HKDC1: variants seen among roughly 807,000 people sequenced by gnomAD.
HKDC1 encodes the protein hexokinase domain containing 1.
Under a neutral mutation model 96.6 loss-of-function variants are expected in HKDC1, and 66 were observed. The observed-to-expected ratio is 0.68, with a 90% CI of 0.56 to 0.84. The LOEUF is 0.84. Ranked by LOEUF, HKDC1 falls within the 40% of genes least tolerant of loss-of-function variation. HKDC1 has a pLI of 0.00. For missense variants in HKDC1, 1,211 were observed against 1,208.1 expected (o/e 1.00, Z -0.04); for synonymous variants, 466 against 473.1 (o/e 0.98, Z 0.20).
chr10:69,263,692 C>T (rs2056560815), intron 16 of HKDC1, among the ~76,000 whole-genome samples: 1 of 152,190 alleles, frequency 6.6e-6, no homozygotes, highest in African/African-American at 2.4e-5. Flanking sequence ...GTTGCTTAAC[C>T]CCCAGGATTG....
intron 5 of HKDC1, among the ~76,000 whole-genome samples, chr10:69,239,435 G>A (rs1295709168): frequency 6.6e-6 from 1 of 152,206 alleles, no homozygotes; most frequent in Non-Finnish European, 1.5e-5. Flanking sequence ...ATCTGATGCT[G>A]TGTGTAGGCC....
intron 10 of HKDC1, 126 bp downstream of exon 10, chr10:69,248,854 A>C: frequency 1.2e-6 from 1 of 834,926 alleles, no homozygotes; most frequent in Non-Finnish European, 1.8e-6. Flanking sequence ...CAAGAGTAAG[A>C]AGAAGGCTAG....
At chr10:69,238,011 G>C (rs1423789760) in intron 4 of HKDC1, among the ~76,000 whole-genome samples, 1 of 152,222 alleles carries the variant, frequency 6.6e-6, no homozygotes, top group Non-Finnish European at 1.5e-5. Context: ...TTCTCTTCCA[G>C]TCTGAAACAT....
At position 69,265,673 on chromosome 10, in the gene HKDC1, G is replaced by T. The variant is rs1564739066; in HGVS notation, c.2461G>T (p.Val821Leu). ...TGAGGACAGCATCGTGGTGAAGGAG[G>T]TGTGCGGAGCCGTGTCCCGGCGGGC... is the stretch of plus-strand genomic sequence containing the variant. ...TCEDSIVVKE[V>L]CGAVSRRAAQ... Residue 821 changes from valine to leucine, a missense_variant, in exon 17 of 18, where the codon GTG becomes TTG. By Grantham distance (32) the Val-to-Leu change is conservative. Coordinates refer to ENST00000354624, the MANE Select transcript of HKDC1 (RefSeq NM_025130.4). 1 of 1,614,084 alleles carries T rather than the reference G, an allele frequency of 6.2e-7. No individual in the cohort carries two copies. Among genetic ancestry groups the T allele is most frequent in the Admixed American group, 1.7e-5 (1 of 59,990 alleles).
chr10:69,263,375 AG>A (rs1843839746), intron 16 of HKDC1, among the ~76,000 whole-genome samples: 3 of 152,176 alleles, frequency 2.0e-5, no homozygotes, highest in Admixed American at 2.0e-4. Flanking sequence ...GTAGGATTAC[AG>A]GCATGAGCCA....
At position 69,267,492 on chromosome 10, in the gene HKDC1, A is replaced by G. The variant is rs546697251; in HGVS notation, c.*735A>G. 1 of 455,882 alleles carries G rather than the reference A, an allele frequency of 2.2e-6. No individual in the cohort carries two copies. The highest frequency in any genetic ancestry group is 1.6e-5 in the South Asian group (1 of 64,400). 28.2% of individuals were successfully genotyped at this position (455,882 alleles called of 1,614,324 possible). The stretch of plus-strand genomic sequence containing the variant: ...TGTTGCAGGTGTTGATAGTTGTTTT[A>G]AGGATTGTTAGGTATAGGAAATCCA... On this transcript the variant is annotated 3_prime_UTR_variant, in exon 18 of 18. Transcript: ENST00000354624.
chr10:69,229,993 G>A (rs1983128), intron 2 of HKDC1, among the ~76,000 whole-genome samples: 35,213 of 152,096 alleles, frequency 0.23, 4,896 homozygotes, highest in Non-Finnish European at 0.32. Context: ...CAAAAAACAA[G>A]CAAAACTCTC....
chr10:69,259,810 C>A (rs896182394), intron 15 of HKDC1, among the ~76,000 whole-genome samples: 21 of 152,120 alleles, frequency 1.4e-4, no homozygotes, highest in Non-Finnish European at 1.6e-4. Context: ...TTGTGAGAAC[C>A]CACTCACTAT....
intron 6 of HKDC1, among the ~76,000 whole-genome samples, chr10:69,242,719 T>C (rs984214271): frequency 1.3e-5 from 2 of 152,162 alleles, no homozygotes; most frequent in South Asian, 2.1e-4. Flanking sequence ...CAGTCTAAGA[T>C]AAGGATGCAG....
At chr10:69,246,055 A>G in intron 7 of HKDC1, 24 bp from the exon 8 acceptor site, 1 of 1,611,162 alleles carries the variant, frequency 6.2e-7, no homozygotes, top group Middle Eastern at 1.7e-4. Flanking sequence ...GGCTGCGTCC[A>G]CAGATCTGTT....
chr10:69,265,497 A>G, intron 16 of HKDC1, 88 bp from the exon 17 acceptor site: 1 of 1,124,574 alleles, frequency 8.9e-7, no homozygotes. Context: ...CTGTAAGGGC[A>G]TCTAAGAATG....
chr10:69,248,554 C>T lies in HKDC1; in HGVS notation c.1396C>T (p.Gln466Ter). Reference sequence around the variant, plus strand: ...CGCGGTGGCCTCCCGCGTGCAGGCCCAGCGGAAGCAGATCGACAGGGTGCT... The same window carrying T: ...CGCGGTGGCCTCCCGCGTGCAGGCCTAGCGGAAGCAGATCGACAGGGTGCT... ...VTAVASRVQA[Q>*]RKQIDRVLAL... The change falls in exon 10 of 18, where the codon CAG (glutamine) becomes TAG (stop). Residue 466 changes from glutamine to a stop codon, truncating the protein, a stop_gained. Transcript: ENST00000354624. LOFTEE classifies it high-confidence loss of function. The T allele has an allele frequency of 3.1e-6, 5 of 1,614,076 alleles. No homozygotes were observed. Among genetic ancestry groups the T allele is most frequent in the Non-Finnish European group, 4.2e-6 (5 of 1,180,030 alleles).
In HKDC1 at chr10:69,239,388, C is replaced by T. The variant is rs115883345; in HGVS notation, c.591+251C>T. Among the ~76,000 whole-genome samples the T allele has an allele frequency of 3.8e-3, 578 of 152,322 alleles. 2 individuals are homozygous for T. The highest frequency in any genetic ancestry group is 0.013 in the African/African-American group (524 of 41,566). On this transcript the variant is annotated intron_variant, in intron 5 of 17. Coordinates refer to ENST00000354624, the MANE Select transcript of HKDC1 (RefSeq NM_025130.4). ...GGTGGCCAGCTCATCCCTGGGCCTC[C>T]CCAGCAGCCACAGCCCTCTCCGGAG... is the stretch of plus-strand genomic sequence containing the variant.
intron 2 of HKDC1, among the ~76,000 whole-genome samples, chr10:69,227,828 G>A (rs1843186069): frequency 6.6e-6 from 1 of 152,160 alleles, no homozygotes; most frequent in Non-Finnish European, 1.5e-5. Flanking sequence ...ACCTAGTGTA[G>A]CACTGGGAAT....
chr10:69,247,633 T>C (rs754747043), intron 9 of HKDC1, 40 bp downstream of exon 9: 2 of 1,533,760 alleles, frequency 1.3e-6, no homozygotes, highest in Non-Finnish European at 1.8e-6. Flanking sequence ...CAAATGAGTC[T>C]CCCTGGAGCA....
At chr10:69,220,720 T>G (rs543692433) in intron 1 of HKDC1, among the ~76,000 whole-genome samples, 1 of 152,222 alleles carries the variant, frequency 6.6e-6, no homozygotes, top group East Asian at 1.9e-4. Context: ...CGGAACTTCC[T>G]GGCAGGTATT....
Position 69,248,435 on chromosome 10 carries a change from G to C in HKDC1, c.1277G>C (p.Arg426Pro). The change falls in exon 10 of 18, where the codon CGC becomes CCC. Residue 426 changes from arginine to proline, a missense_variant. Physicochemically the swap from Arg to Pro is moderately radical, Grantham distance 103 (BLOSUM62 -2). Coordinates refer to ENST00000354624, the MANE Select transcript of HKDC1 (RefSeq NM_025130.4). ...CACCCCTGCTTCAGGTACCCAAAAC[G>C]CCTGCACAAGGTGGTGAGGAAACTG... ...LYKIHPQYPK[R>P]LHKVVRKLVP... 1 of 1,558,776 alleles carries C rather than the reference G, an allele frequency of 6.4e-7. No homozygotes were observed. Among genetic ancestry groups the C allele is most frequent in the Non-Finnish European group, 8.7e-7 (1 of 1,150,110 alleles).
Position 69,248,449 on chromosome 10 carries a change from G to A in HKDC1, c.1291G>A (p.Val431Met), listed in dbSNP as rs764387778. The A allele has an allele frequency of 1.9e-6, 3 of 1,582,856 alleles. No individual in the cohort carries two copies. The highest frequency in any genetic ancestry group is 2.6e-6 in the Non-Finnish European group (3 of 1,161,204). Residue 431 changes from valine (V) to methionine (M), a missense_variant, in exon 10 of 18, where the codon GTG becomes ATG. Physicochemically the swap from Val to Met is conservative, Grantham distance 21. Coordinates refer to ENST00000354624, the MANE Select transcript of HKDC1 (RefSeq NM_025130.4). ...PQYPKRLHKV[V>M]RKLVPSCDVR... is the part of the protein sequence containing the mutation. ...GTACCCAAAACGCCTGCACAAGGTGGTGAGGAAACTGGTCCCAAGCTGTGA... is the reference window on the plus strand; with the variant it reads ...GTACCCAAAACGCCTGCACAAGGTGATGAGGAAACTGGTCCCAAGCTGTGA...
At position 69,246,213 on chromosome 10, in the gene HKDC1, G is replaced by T; in HGVS notation, c.1010G>T (p.Arg337Leu). ...ALHTKGKIET[R>L]HVAAMEKYKE... is the part of the protein sequence containing the mutation. ...CACACTAAGGGCAAGATCGAAACACGGCACGTGGCTGCCATGGAGAAGTAA... is the reference window on the plus strand; with the variant it reads ...CACACTAAGGGCAAGATCGAAACACTGCACGTGGCTGCCATGGAGAAGTAA... The change falls in exon 8 of 18, where the codon CGG becomes CTG. Residue 337 changes from arginine (R) to leucine (L), a missense_variant. Arg to Leu is a moderately radical substitution (Grantham distance 102). Transcript: ENST00000354624. 6.2e-7 allele frequency: 1 copy of T among 1,614,048 alleles called. No individual in the cohort carries two copies. Among genetic ancestry groups the T allele is most frequent in the Non-Finnish European group, 8.5e-7 (1 of 1,180,014 alleles).
Sources: allele counts gnomAD v4.1 joint callset (sites outside exome capture counted in the v4.1 genomes callset), GRCh38; gene constraint gnomAD v4.1.1; transcripts MANE v1.5; gene names NCBI Gene and HGNC (gene_info 2026-07-23, HGNC 2026-07-21).